The following HLCS variants were observed in gnomAD, a reference collection of about 807,000 sequenced individuals.
HLCS encodes the protein holocarboxylase synthetase, also known as biotin--protein ligase.
Under a neutral mutation model 75.0 loss-of-function variants are expected in HLCS, and 53 were observed. The observed-to-expected ratio is 0.71, with a 90% CI of 0.57 to 0.89. The LOEUF is 0.89. HLCS is among the 40% of genes least tolerant of loss of function. The probability of loss-of-function intolerance (pLI) is 0.00; values close to 1 mark genes in which losing one functional copy is unlikely to be tolerated. For synonymous variants in HLCS, 431 were observed against 428.6 expected (o/e 1.01, Z -0.07); for missense variants, 966 against 1,074.0 (o/e 0.90, Z 1.41).
intron 2 of HLCS, among the ~76,000 whole-genome samples, chr21:36,959,508 C>A (rs1475688267): frequency 1.3e-5 from 2 of 152,216 alleles, no homozygotes; most frequent in African/African-American, 4.8e-5. Context: ...CCTGGTGACG[C>A]CCTGCCTTCA....
At chr21:36,824,843 C>T (rs1370160410) in intron 6 of HLCS, among the ~76,000 whole-genome samples, 2 of 152,164 alleles carry the variant, frequency 1.3e-5, no homozygotes, top group Non-Finnish European at 2.9e-5. Flanking sequence ...CCTCCTTTTC[C>T]CATCACTGAA....
At chr21:36,939,073 T>G in intron 2 of HLCS, 79 bp from the exon 3 acceptor site, 1 of 1,359,488 alleles carries the variant, frequency 7.4e-7, no homozygotes, top group Non-Finnish European at 1.0e-6. Flanking sequence ...ACATACTTTA[T>G]TTTTCCCTTG....
chr21:36,966,826 G>GT (rs1406467414), upstream of HLCS, among the ~76,000 whole-genome samples: 1 of 146,752 alleles, frequency 6.8e-6, no homozygotes. Flanking sequence ...GGGGCGGGGG[G>GT]GGGTGAGGCC....
intron 6 of HLCS, among the ~76,000 whole-genome samples, chr21:36,771,698 G>T (rs187211021): frequency 6.6e-6 from 1 of 152,156 alleles, no homozygotes; most frequent in East Asian, 1.9e-4. Context: ...ATGTTTTGAA[G>T]TATGCTTTTA....
intron 2 of HLCS, chr21:36,947,270 G>A: frequency 1.3e-6 from 1 of 791,818 alleles, no homozygotes; most frequent in African/African-American, 1.9e-5. Context: ...GACCGGAAGA[G>A]CCCAAAGAAT....
intron 2 of HLCS, among the ~76,000 whole-genome samples, chr21:36,950,805 A>G (rs2067636094): frequency 6.6e-6 from 1 of 152,192 alleles, no homozygotes; most frequent in Non-Finnish European, 1.5e-5. Context: ...TATACTGTCT[A>G]GAAACACATG....
intron 8 of HLCS, among the ~76,000 whole-genome samples, chr21:36,761,217 A>C (rs867206396): frequency 2.6e-5 from 4 of 152,236 alleles, no homozygotes; most frequent in African/African-American, 9.6e-5. Context: ...CTGAGGTTAT[A>C]GCACTTGAAA....
intron 6 of HLCS, among the ~76,000 whole-genome samples, chr21:36,774,645 G>A (rs1303639306): frequency 6.6e-6 from 1 of 152,146 alleles, no homozygotes; most frequent in African/African-American, 2.4e-5. Context: ...AATTCTATAC[G>A]TGATGCCTCT....
intron 6 of HLCS, among the ~76,000 whole-genome samples, chr21:36,871,792 G>C (rs2063778530): frequency 6.6e-6 from 1 of 152,064 alleles, no homozygotes; most frequent in African/African-American, 2.4e-5. Flanking sequence ...ATAATAAAAT[G>C]ACAAGTACCC....
chr21:36,803,769 C>T (rs901615624), intron 6 of HLCS, among the ~76,000 whole-genome samples: 4 of 147,940 alleles, frequency 2.7e-5, no homozygotes, highest in African/African-American at 7.5e-5. Context: ...AAAAAAAAAG[C>T]CTGCAATACA....
In HLCS at chr21:36,750,528, T is replaced by C. The variant is rs541666140; in HGVS notation, c.*3718A>G. Among the ~76,000 whole-genome samples the C allele has an allele frequency of 1.9e-4, 29 of 152,270 alleles. 1 individual carries two copies. The highest frequency in any genetic ancestry group is 9.8e-4 in the Admixed American group (15 of 15,294). ...AAAAGTCCTATCAGCCCTGCCTTCG[T>C]CCCTTCCGCCCTAAGCCCTAAGAGT... On this transcript the variant is annotated 3_prime_UTR_variant, in exon 11 of 11. Coordinates refer to ENST00000674895, the MANE Select transcript of HLCS (RefSeq NM_001352514.2).
chr21:36,877,820 A>G (rs1426196462), intron 6 of HLCS, among the ~76,000 whole-genome samples: 1 of 152,090 alleles, frequency 6.6e-6, no homozygotes, highest in Non-Finnish European at 1.5e-5. Flanking sequence ...GTATTTTGCC[A>G]TCATTATTGA....
intron 1 of HLCS, among the ~76,000 whole-genome samples, chr21:36,963,655 G>A (rs35980239): frequency 0.17 from 25,656 of 151,912 alleles, 2,235 homozygotes; most frequent in East Asian, 0.34. Flanking sequence ...GGGAGGCTAA[G>A]GCAGGAGAAT....
At chr21:36,928,084 C>T (rs2066482637) in intron 5 of HLCS, among the ~76,000 whole-genome samples, 1 of 152,146 alleles carries the variant, frequency 6.6e-6, no homozygotes, top group African/African-American at 2.4e-5. Context: ...TAAATACTGA[C>T]CCATAGCACA....
chr21:36,885,778 G>A (rs2064426839), intron 6 of HLCS, among the ~76,000 whole-genome samples: 1 of 152,134 alleles, frequency 6.6e-6, no homozygotes, highest in African/African-American at 2.4e-5. Flanking sequence ...GGGTCCCAGA[G>A]CCTCACACAG....
intron 6 of HLCS, among the ~76,000 whole-genome samples, chr21:36,849,529 G>A (rs1272870252): frequency 1.3e-5 from 2 of 152,202 alleles, no homozygotes; most frequent in Non-Finnish European, 2.9e-5. Context: ...TCGGAGGCTG[G>A]AGACTTGCTT....
chr21:36,763,910 C>A (rs1469524616), intron 8 of HLCS, among the ~76,000 whole-genome samples: 4 of 152,142 alleles, frequency 2.6e-5, no homozygotes, highest in African/African-American at 9.7e-5. Flanking sequence ...GGGAAGATGG[C>A]CCCAAGTGGA....
chr21:36,893,817 G>C (rs985938418), intron 6 of HLCS, among the ~76,000 whole-genome samples: 1 of 152,186 alleles, frequency 6.6e-6, no homozygotes, highest in African/African-American at 2.4e-5. Context: ...GGGGGTCGGG[G>C]ATCCCTGCAC....
chr21:36,758,475 G>C (rs192633335), intron 9 of HLCS, among the ~76,000 whole-genome samples: 1 of 151,958 alleles, frequency 6.6e-6, no homozygotes, highest in Non-Finnish European at 1.5e-5. Context: ...GGAGTGGCTC[G>C]ATCAAAGCTC....
Sources: gnomAD v4.1 joint callset for allele counts (sites outside exome capture counted in the v4.1 genomes callset) on GRCh38, gnomAD v4.1.1 for gene constraint, MANE v1.5 for transcripts, NCBI Gene and HGNC (gene_info 2026-07-23, HGNC 2026-07-21) for gene names.